The following LEKR1 variants were observed in gnomAD, a reference collection of about 807,000 sequenced individuals.
LEKR1 encodes protein LEKR1.
LEKR1 carries 59 observed loss-of-function variants against 72.4 expected under a neutral mutation model. That is an observed-to-expected ratio of 0.82 (90% CI 0.66 to 1.01). The LOEUF is 1.01. Among genes scored for constraint, LEKR1 ranks in the 50% least tolerant of loss-of-function variants. The pLI, the probability that LEKR1 is intolerant of heterozygous loss-of-function variation, is 0.00. For missense variants in LEKR1, 728 were observed against 759.2 expected (o/e 0.96, Z 0.48); for synonymous variants, 257 against 263.2 (o/e 0.98, Z 0.23).
At chr3:156,886,948 G>T (rs1720161342) in intron 3 of LEKR1, among the ~76,000 whole-genome samples, 1 of 152,192 alleles carries the variant, frequency 6.6e-6, no homozygotes, top group Non-Finnish European at 1.5e-5. Context: ...TGGAGCAAAA[G>T]ATCATGGTGT....
chr3:156,983,081 C>T (rs62275842), intron 7 of LEKR1, among the ~76,000 whole-genome samples: 4,747 of 152,150 alleles, frequency 0.031, 108 homozygotes, highest in Non-Finnish European at 0.046. Flanking sequence ...GATAAAACAT[C>T]ATCAGCATTT....
intron 9 of LEKR1, among the ~76,000 whole-genome samples, chr3:156,999,153 C>A (rs1305857994): frequency 6.6e-6 from 1 of 152,124 alleles, no homozygotes; most frequent in Non-Finnish European, 1.5e-5. Flanking sequence ...TGAGGCCTCC[C>A]AAGCAATGCG....
chr3:156,881,547 A>G (rs1180074313), intron 3 of LEKR1, among the ~76,000 whole-genome samples: 59 of 151,574 alleles, frequency 3.9e-4, no homozygotes, highest in African/African-American at 1.2e-3. Flanking sequence ...GGTAGGAAGA[A>G]TCAATATCAT....
At chr3:156,895,714 A>G (rs1721113231) in intron 3 of LEKR1, among the ~76,000 whole-genome samples, 1 of 152,184 alleles carries the variant, frequency 6.6e-6, no homozygotes, top group South Asian at 2.1e-4. Flanking sequence ...AAAACAACAG[A>G]TGCTGGCAAA....
intron 3 of LEKR1, among the ~76,000 whole-genome samples, chr3:156,889,931 G>A (rs1279686774): frequency 6.6e-6 from 1 of 152,186 alleles, no homozygotes; most frequent in Non-Finnish European, 1.5e-5. Context: ...TAAGTGTCAG[G>A]CTGCCTGAGT....
intron 9 of LEKR1, among the ~76,000 whole-genome samples, chr3:157,003,286 T>A (rs1195275875): frequency 6.6e-6 from 1 of 152,216 alleles, no homozygotes; most frequent in African/African-American, 2.4e-5. Flanking sequence ...CTTGATCAAG[T>A]TACTATCATG....
chr3:156,866,111 T>C (rs1270817181), intron 3 of LEKR1, among the ~76,000 whole-genome samples: 3 of 152,126 alleles, frequency 2.0e-5, no homozygotes, highest in Admixed American at 2.0e-4. Flanking sequence ...AAAATATTTG[T>C]TGAATTAATT....
intron 11 of LEKR1, among the ~76,000 whole-genome samples, chr3:157,025,395 T>TA (rs1404284760): frequency 1.3e-5 from 2 of 152,218 alleles, no homozygotes; most frequent in Non-Finnish European, 2.9e-5. Flanking sequence ...CAGTATGTTC[T>TA]AAATACTAAA....
At chr3:157,038,604 G>A (rs1195707842) in intron 12 of LEKR1, among the ~76,000 whole-genome samples, 2 of 152,140 alleles carry the variant, frequency 1.3e-5, no homozygotes, top group African/African-American at 2.4e-5. Flanking sequence ...TAGCGATGGT[G>A]ACAGAAAAGG....
chr3:156,866,861 A>G (rs1269973350), intron 3 of LEKR1, among the ~76,000 whole-genome samples: 2 of 151,940 alleles, frequency 1.3e-5, no homozygotes, highest in African/African-American at 4.8e-5. Flanking sequence ...CCTTCCCCAC[A>G]CCCAACTCTA....
At chr3:156,928,270 G>A (rs866287116) in intron 5 of LEKR1, among the ~76,000 whole-genome samples, 21 of 152,080 alleles carry the variant, frequency 1.4e-4, no homozygotes, top group Middle Eastern at 3.4e-3. Context: ...CATGAAGACT[G>A]AACCCTAATG....
chr3:157,018,893 A>T (rs12636394), intron 10 of LEKR1, among the ~76,000 whole-genome samples: 87,757 of 151,986 alleles, frequency 0.58, 27,350 homozygotes, highest in South Asian at 0.81. Flanking sequence ...TCTCCTTCCA[A>T]CCTAAGTTCA....
intron 3 of LEKR1, among the ~76,000 whole-genome samples, chr3:156,917,852 C>G (rs1057278179): frequency 3.3e-5 from 5 of 152,014 alleles, no homozygotes; most frequent in African/African-American, 1.2e-4. Context: ...GAAGGGAAGT[C>G]TTATGATGAC....
At chr3:156,869,976 G>A (rs7638330) in intron 3 of LEKR1, among the ~76,000 whole-genome samples, 128,317 of 152,042 alleles carry the variant, frequency 0.84, 54,320 homozygotes, top group African/African-American at 0.91. Flanking sequence ...TTTTCCCAGT[G>A]TGTGTTCTTG....
chr3:156,934,456 C>G (rs1302579035), intron 5 of LEKR1, among the ~76,000 whole-genome samples: 2 of 152,134 alleles, frequency 1.3e-5, no homozygotes, highest in East Asian at 1.9e-4. Context: ...GGAAAGGGAG[C>G]AGAGGCTTCA....
In LEKR1 at chr3:156,961,467, C is replaced by T. The variant is rs542261026; in HGVS notation, c.746-17727C>T. Among the ~76,000 whole-genome samples the T allele has an allele frequency of 7.2e-5, 11 of 152,322 alleles. No individual in the cohort carries two copies. The South Asian group carries it at 2.3e-3, about 32-fold the overall frequency. On this transcript the variant is annotated intron_variant, in intron 6 of 12. Coordinates refer to ENST00000356539, the MANE Select transcript of LEKR1 (RefSeq NM_001004316.3). ...CCCCTTTCCAACAATCCTTAACCTA[C>T]TTTCTATCTCTATAGACTTACCTAT...
chr3:156,841,203 C>T (rs1465695841), intron 2 of LEKR1, among the ~76,000 whole-genome samples: 1 of 152,144 alleles, frequency 6.6e-6, no homozygotes, highest in African/African-American at 2.4e-5. Context: ...CTCTTGAAGG[C>T]CTAGTATTTC....
chr3:156,839,501 T>C (rs1259285539), intron 2 of LEKR1, among the ~76,000 whole-genome samples: 1 of 152,180 alleles, frequency 6.6e-6, no homozygotes, highest in African/African-American at 2.4e-5. Context: ...GGATTTACAA[T>C]GGAGCCAATA....
intron 6 of LEKR1, among the ~76,000 whole-genome samples, chr3:156,952,842 G>A (rs1727286384): frequency 6.6e-6 from 1 of 151,396 alleles, no homozygotes; most frequent in Non-Finnish European, 1.5e-5. Flanking sequence ...AATAAATTGT[G>A]CAGTATTCAA....
Sources: gnomAD v4.1 joint callset for allele counts (sites outside exome capture counted in the v4.1 genomes callset) on GRCh38, gnomAD v4.1.1 for gene constraint, MANE v1.5 for transcripts, NCBI Gene and HGNC (gene_info 2026-07-23, HGNC 2026-07-21) for gene names.